The following MAST2 variants were observed in gnomAD, a reference collection of about 807,000 sequenced individuals.
MAST2 encodes the protein microtubule associated serine/threonine kinase 2, also known as microtubule-associated serine/threonine-protein kinase 2.
MAST2 carries 70 observed loss-of-function variants against 147.4 expected under a neutral mutation model. The observed-to-expected ratio is 0.47, with a 90% confidence interval of 0.39 to 0.58. The LOEUF is 0.58. MAST2 is among the 20% of genes least tolerant of loss of function. The probability of loss-of-function intolerance (pLI) is 0.00; values close to 1 mark genes in which losing one functional copy is unlikely to be tolerated. For synonymous variants in MAST2, 869 were observed against 896.8 expected (o/e 0.97, Z 0.55); for missense variants, 2,080 against 2,302.3 (o/e 0.90, Z 1.98).
intron 5 of MAST2, among the ~76,000 whole-genome samples, chr1:45,979,326 A>G (rs1438833467): frequency 6.6e-6 from 1 of 152,194 alleles, no homozygotes; most frequent in Non-Finnish European, 1.5e-5. Context: ...CTCTGGGATG[A>G]ATCATCACTT....
intron 5 of MAST2, among the ~76,000 whole-genome samples, chr1:45,981,952 TGCCTCA>T (rs1307820658): frequency 6.6e-6 from 1 of 150,954 alleles, no homozygotes; most frequent in Admixed American, 6.6e-5. Context: ...GCAATTCCCC[TGCCTCA>T]GCCTCAGCCT....
At position 45,882,191 on chromosome 1, in the gene MAST2, CA is replaced by C. The variant is rs869149432; in HGVS notation, c.469-158del. Among the ~76,000 whole-genome samples the C allele has an allele frequency of 1.1e-3, 72 of 67,780 alleles. 1 individual carries two copies. Among genetic ancestry groups the C allele is most frequent in the African/African-American group, 3.4e-3 (71 of 20,736 alleles). 44.5% of individuals were successfully genotyped at this position (67,780 alleles called of 152,430 possible). ...TGGGAGACAAAATGAGACTCCGTCTCAAAAAAAAAAAAAAATAAATAAAATT... is the reference window on the plus strand; with the variant it reads ...TGGGAGACAAAATGAGACTCCGTCTCAAAAAAAAAAAAAATAAATAAAATT... On this transcript the variant is annotated intron_variant, in intron 3 of 28. Coordinates refer to ENST00000361297, the MANE Select transcript of MAST2 (RefSeq NM_015112.3).
intron 7 of MAST2, among the ~76,000 whole-genome samples, chr1:46,005,778 G>A (rs1645461388): frequency 6.6e-6 from 1 of 152,188 alleles, no homozygotes; most frequent in African/African-American, 2.4e-5. Flanking sequence ...GCTTGAGTGA[G>A]TCTGGGCACA....
intron 5 of MAST2, among the ~76,000 whole-genome samples, chr1:45,995,596 G>T (rs1426485004): frequency 6.6e-6 from 1 of 152,084 alleles, no homozygotes; most frequent in East Asian, 1.9e-4. Flanking sequence ...TTGTTTGTTT[G>T]TTTTTAGACA....
intron 4 of MAST2, among the ~76,000 whole-genome samples, chr1:45,892,039 G>T (rs965556066): frequency 1.3e-5 from 2 of 152,170 alleles, no homozygotes; most frequent in Admixed American, 6.5e-5. Context: ...GGAAGGTTTT[G>T]TAAGTATTGG....
intron 5 of MAST2, among the ~76,000 whole-genome samples, chr1:45,977,228 C>T (rs1422211642): frequency 6.6e-6 from 1 of 152,246 alleles, no homozygotes; most frequent in Non-Finnish European, 1.5e-5. Flanking sequence ...TGGCTCATGC[C>T]TGTATTCCCA....
At chr1:45,898,950 A>T (rs1451612856) in intron 4 of MAST2, among the ~76,000 whole-genome samples, 1 of 152,114 alleles carries the variant, frequency 6.6e-6, no homozygotes, top group Non-Finnish European at 1.5e-5. Context: ...GCATTCTTTT[A>T]ACAGGCCAGA....
At chr1:45,843,615 T>C (rs1021506682) in intron 3 of MAST2, among the ~76,000 whole-genome samples, 1 of 152,080 alleles carries the variant, frequency 6.6e-6, no homozygotes, top group Non-Finnish European at 1.5e-5. Context: ...ATAAAAGGAA[T>C]GTAGGGGAAC....
chr1:45,827,228 T>C lies in MAST2; in HGVS notation c.326-2211T>C, dbSNP rs149554798. On this transcript the variant is annotated intron_variant, in intron 2 of 28. Coordinates refer to ENST00000361297, the MANE Select transcript of MAST2 (RefSeq NM_015112.3). ...TCTTTAACTGAGAATGTTTTATGCA[T>C]TAGCCTCTTGAATTATTATAAGAAT... 2.3e-3 allele frequency among the ~76,000 whole-genome samples: 350 copies of C among 152,332 alleles called. 1 individual carries two copies. Among genetic ancestry groups the C allele is most frequent in the African/African-American group, 7.9e-3 (327 of 41,570 alleles).
At chr1:45,907,116 G>A (rs1016628355) in intron 4 of MAST2, among the ~76,000 whole-genome samples, 1 of 152,038 alleles carries the variant, frequency 6.6e-6, no homozygotes, top group African/African-American at 2.4e-5. Flanking sequence ...TGATGAAATC[G>A]CCTAACAATG....
chr1:46,008,355 A>C lies in MAST2; in HGVS notation c.962A>C (p.Lys321Thr), dbSNP rs748036866. ...ATAATAATGATGAATCATGTTTACA[A>C]AGAAAGATTCCCAAAGGTAAGGATC... ...SEIIMMNHVYKERFPKATAQM... is the reference protein window; with the variant it reads ...SEIIMMNHVYTERFPKATAQM... Residue 321 changes from lysine (K) to threonine (T), a missense_variant, in exon 9 of 29, where the codon AAA (lysine) becomes ACA (threonine). Lys to Thr is a moderately conservative substitution (Grantham distance 78). Transcript: ENST00000361297. 5 of 1,612,566 alleles carry C rather than the reference A, an allele frequency of 3.1e-6. No homozygotes were observed. The highest frequency in any genetic ancestry group is 4.2e-6 in the Non-Finnish European group (5 of 1,178,532).
At chr1:45,812,547 C>G (rs1336790103) in intron 1 of MAST2, among the ~76,000 whole-genome samples, 1 of 152,042 alleles carries the variant, frequency 6.6e-6, no homozygotes, top group Non-Finnish European at 1.5e-5. Context: ...CCTGCCTCAG[C>G]CTCCCAGTAG....
Position 46,034,659 on chromosome 1 carries a change from C to T in MAST2, c.3990C>T (p.Tyr1330=). Residue 1330 remains tyrosine, a synonymous_variant, in exon 29 of 29, where the codon TAC becomes TAT. Coordinates refer to ENST00000361297, the MANE Select transcript of MAST2 (RefSeq NM_015112.3). ...TGGCACCCAAGCTCCAACGCCAGTACCGCTCTCCACGGCGCAAGTCAGCAG... is the reference window on the plus strand; with the variant it reads ...TGGCACCCAAGCTCCAACGCCAGTATCGCTCTCCACGGCGCAAGTCAGCAG... ...HGLAPKLQRQ[Y]RSPRRKSAGS... The T allele has an allele frequency of 6.2e-7, 1 of 1,614,146 alleles. No homozygotes were observed. The highest frequency in any genetic ancestry group is 1.1e-5 in the South Asian group (1 of 91,080).
At chr1:45,967,226 A>C (rs987520817) in intron 5 of MAST2, among the ~76,000 whole-genome samples, 2 of 151,996 alleles carry the variant, frequency 1.3e-5, no homozygotes, top group Admixed American at 1.3e-4. Context: ...GGTGTGTGCC[A>C]CCACACCCAA....
chr1:45,944,050 C>T (rs1269720667), intron 4 of MAST2, among the ~76,000 whole-genome samples: 1 of 152,154 alleles, frequency 6.6e-6, no homozygotes, highest in African/African-American at 2.4e-5. Context: ...GCATGAGATC[C>T]AAGAACCTGC....
chr1:45,835,653 AT>A (rs1645081479), intron 3 of MAST2, among the ~76,000 whole-genome samples: 2 of 152,144 alleles, frequency 1.3e-5, no homozygotes, highest in African/African-American at 4.8e-5. Flanking sequence ...TTTTAGTGGC[AT>A]TTCATGCATT....
At chr1:45,824,660 C>G (rs1644736384) in intron 2 of MAST2, 80 bp downstream of exon 2, 2 of 1,400,148 alleles carry the variant, frequency 1.4e-6, no homozygotes, top group African/African-American at 1.4e-5. Flanking sequence ...GAATTGGCAT[C>G]TTGACAGTTT....
At chr1:45,948,431 G>A (rs1658412969) in intron 4 of MAST2, among the ~76,000 whole-genome samples, 1 of 152,062 alleles carries the variant, frequency 6.6e-6, no homozygotes, top group South Asian at 2.1e-4. Flanking sequence ...AACCGGGCCG[G>A]GTGCGGTGGC....
chr1:45,888,020 G>C lies in MAST2; in HGVS notation c.500+5625G>C, dbSNP rs1349232549. On this transcript the variant is annotated intron_variant, in intron 4 of 28. Coordinates refer to ENST00000361297, the MANE Select transcript of MAST2 (RefSeq NM_015112.3). Reference sequence around the variant, plus strand: ...ATGTAGTTGTTGGCGAGCTTTACCTGTGTAGGTGGGATCTGAAAATCCTTG... The same window carrying C: ...ATGTAGTTGTTGGCGAGCTTTACCTCTGTAGGTGGGATCTGAAAATCCTTG... Among the ~76,000 whole-genome samples the C allele has an allele frequency of 2.0e-5, 3 of 152,336 alleles. No individual in the cohort carries two copies. In the South Asian group the frequency reaches 6.2e-4, roughly 32 times the overall value.
Sources: gnomAD v4.1 joint callset for allele counts (sites outside exome capture counted in the v4.1 genomes callset) on GRCh38, gnomAD v4.1.1 for gene constraint, MANE v1.5 for transcripts, NCBI Gene and HGNC (gene_info 2026-07-23, HGNC 2026-07-21) for gene names.